CACNG2: variants seen among roughly 807,000 people sequenced by gnomAD.
CACNG2 encodes the protein voltage-dependent calcium channel gamma-2 subunit.
CACNG2 carries 3 observed loss-of-function variants against 25.9 expected under a neutral mutation model. The ratio of observed to expected loss-of-function variants is 0.12; its 90% CI spans 0.05 to 0.30. CACNG2 has a LOEUF of 0.30. Ranked by LOEUF, CACNG2 falls within the 10% of genes least tolerant of loss-of-function variation. The pLI is 1.00. For synonymous variants in CACNG2, 167 were observed against 173.3 expected, an observed-to-expected ratio of 0.96 and a Z score of 0.29; for missense variants, 341 against 432.5, an observed-to-expected ratio of 0.79 and a Z score of 1.88.
At chr22:36,605,236 G>A (rs954104402) in intron 1 of CACNG2, among the ~76,000 whole-genome samples, 6 of 152,000 alleles carry the variant, frequency 3.9e-5, no homozygotes, top group South Asian at 2.1e-4. Context: ...CACCATGCCC[G>A]GCTACTTTTT....
chr22:36,591,130 G>A (rs968127619), intron 1 of CACNG2, among the ~76,000 whole-genome samples: 2 of 151,912 alleles, frequency 1.3e-5, no homozygotes, highest in East Asian at 1.9e-4. Context: ...TCCGCCTCCC[G>A]GGTTCACGCC....
chr22:36,577,072 C>T (rs1308591327), intron 2 of CACNG2, among the ~76,000 whole-genome samples: 2 of 152,122 alleles, frequency 1.3e-5, no homozygotes, highest in South Asian at 2.1e-4. Flanking sequence ...TAGCTGTGAC[C>T]TGGTCCCCCG....
intron 2 of CACNG2, chr22:36,585,452 A>G (rs188360543): frequency 6.6e-6 from 1 of 152,266 alleles, no homozygotes; most frequent in East Asian, 1.9e-4. Context: ...TTAAAGAATT[A>G]TTTTTGTTTT....
intron 1 of CACNG2, among the ~76,000 whole-genome samples, chr22:36,644,992 C>G (rs1936497082): frequency 6.6e-6 from 1 of 152,164 alleles, no homozygotes; most frequent in Admixed American, 6.5e-5. Context: ...ATCCTTCTAT[C>G]AAATTCACAT....
rs1569049913 is a variant in CACNG2, at chr22:36,679,230, C to CTTT, written c.211+23135_211+23136insAAA. ...TCTTTCTTTCTTTCTTTCTTTCTTTCCTTCTTTCTTTCTTTCTTTTCTTTA... is the reference window on the plus strand; with the variant it reads ...TCTTTCTTTCTTTCTTTCTTTCTTTCTTTCTTCTTTCTTTCTTTCTTTTCTTTA... On this transcript the variant is annotated intron_variant, in intron 1 of 3. Coordinates refer to ENST00000300105, the MANE Select transcript of CACNG2 (RefSeq NM_006078.5). Among the ~76,000 whole-genome samples the CTTT allele has an allele frequency of 7.0e-3, 940 of 134,788 alleles. 40 individuals are homozygous for CTTT. Among genetic ancestry groups the CTTT allele is most frequent in the Middle Eastern group, 0.032 (9 of 278 alleles). The allele number at this position is 134,788 out of a possible 152,430, so 88.4% of individuals were successfully genotyped here.
chr22:36,681,004 A>T (rs539446043), intron 1 of CACNG2, among the ~76,000 whole-genome samples: 66 of 152,272 alleles, frequency 4.3e-4, no homozygotes, highest in African/African-American at 1.5e-3. Context: ...ATCCATTAAA[A>T]AGAATGAGAA....
intron 1 of CACNG2, among the ~76,000 whole-genome samples, chr22:36,676,039 T>C (rs982115357): frequency 1.3e-5 from 2 of 152,176 alleles, no homozygotes; most frequent in Non-Finnish European, 2.9e-5. Flanking sequence ...GTGATGTTTA[T>C]ACCGGTCACA....
chr22:36,606,860 CGTGT>C lies in CACNG2; in HGVS notation c.212-19316_212-19313del, dbSNP rs1350445852. Among the ~76,000 whole-genome samples, 1 of 146,042 alleles carries C rather than the reference CGTGT, an allele frequency of 6.8e-6. No individual in the cohort carries two copies. The highest frequency in any genetic ancestry group is 1.5e-5 in the Non-Finnish European group (1 of 66,332). ...CTCTGTGTGTGTGTATGTATGTGTACGTGTGTATGTCTGTGTGTGAGTCTGTGTG... is the reference window on the plus strand; with the variant it reads ...CTCTGTGTGTGTGTATGTATGTGTACGTATGTCTGTGTGTGAGTCTGTGTG... On this transcript the variant is annotated intron_variant, in intron 1 of 3. Transcript: ENST00000300105. The surrounding 1 kb of genome is among the most constrained non-coding windows in gnomAD (Gnocchi z 5.7).
intron 1 of CACNG2, among the ~76,000 whole-genome samples, chr22:36,608,507 A>G (rs1474826138): frequency 1.3e-5 from 2 of 152,218 alleles, no homozygotes; most frequent in African/African-American, 4.8e-5. Context: ...TCTCTGTCCC[A>G]ATGCTTCATA....
intron 1 of CACNG2, among the ~76,000 whole-genome samples, chr22:36,647,199 C>T (rs896715711): frequency 1.3e-5 from 2 of 152,296 alleles, no homozygotes; most frequent in Non-Finnish European, 2.9e-5. Flanking sequence ...AGGCCATTGT[C>T]ATCTCTCATC....
intron 1 of CACNG2, among the ~76,000 whole-genome samples, chr22:36,657,967 G>A (rs1936732674): frequency 6.6e-6 from 1 of 152,166 alleles, no homozygotes; most frequent in South Asian, 2.1e-4. Context: ...AGACTGTGAA[G>A]TGGGCACAGG....
At chr22:36,627,358 T>C (rs1220277630) in intron 1 of CACNG2, among the ~76,000 whole-genome samples, 3 of 151,432 alleles carry the variant, frequency 2.0e-5, no homozygotes, top group Non-Finnish European at 2.9e-5. Context: ...TCAGGGTAGA[T>C]ACATAATTAG....
chr22:36,584,235 T>G (rs1935464611), intron 2 of CACNG2, among the ~76,000 whole-genome samples: 1 of 152,180 alleles, frequency 6.6e-6, no homozygotes, highest in Non-Finnish European at 1.5e-5. Context: ...GCGGATCACC[T>G]GAGGCCAGGA....
intron 1 of CACNG2, among the ~76,000 whole-genome samples, chr22:36,625,903 C>A (rs1463616037): frequency 6.6e-6 from 1 of 152,076 alleles, no homozygotes; most frequent in Non-Finnish European, 1.5e-5. Context: ...ACCTTGAAAC[C>A]TGGTTTTGCA....
chr22:36,593,768 T>C (rs895113876), intron 1 of CACNG2, among the ~76,000 whole-genome samples: 1 of 151,620 alleles, frequency 6.6e-6, no homozygotes, highest in Non-Finnish European at 1.5e-5. Flanking sequence ...CCAACGCCTC[T>C]GGTGGCCATG....
At chr22:36,599,377 C>T (rs2145930609) in intron 1 of CACNG2, among the ~76,000 whole-genome samples, 1 of 152,234 alleles carries the variant, frequency 6.6e-6, no homozygotes, top group African/African-American at 2.4e-5. Context: ...ACTGTAAAGT[C>T]AAGCAAGGGA....
intron 1 of CACNG2, among the ~76,000 whole-genome samples, chr22:36,698,943 A>T (rs1390872812): frequency 6.6e-6 from 1 of 152,096 alleles, no homozygotes; most frequent in Non-Finnish European, 1.5e-5. Context: ...GTCCCTGGAG[A>T]CGATGTTTCC....
At chr22:36,681,366 G>T (rs1283855537) in intron 1 of CACNG2, among the ~76,000 whole-genome samples, 1 of 152,182 alleles carries the variant, frequency 6.6e-6, no homozygotes, top group Non-Finnish European at 1.5e-5. Flanking sequence ...TGTGGGAAAA[G>T]GGGCACATCT....
chr22:36,633,704 GC>G (rs1470364670), intron 1 of CACNG2, among the ~76,000 whole-genome samples: 1 of 152,140 alleles, frequency 6.6e-6, no homozygotes, highest in African/African-American at 2.4e-5. Context: ...ACGATAAAAG[GC>G]ATAGCATCTG....
Sources: allele counts gnomAD v4.1 joint callset (sites outside exome capture counted in the v4.1 genomes callset), GRCh38; gene constraint gnomAD v4.1.1; non-coding constraint Gnocchi (gnomAD v3.1); transcripts MANE v1.5; gene names NCBI Gene and HGNC (gene_info 2026-07-23, HGNC 2026-07-21).